NPHS1: variants seen among roughly 807,000 people sequenced by gnomAD.
NPHS1 encodes the protein NPHS1 adhesion molecule, nephrin.
NPHS1 carries 107 observed loss-of-function variants against 139.7 expected under a neutral mutation model. The observed-to-expected ratio is 0.77, with a 90% confidence interval of 0.66 to 0.90. NPHS1 has a LOEUF of 0.90. Among genes scored for constraint, NPHS1 ranks in the 40% least tolerant of loss-of-function variants. The pLI is 0.00. For missense variants in NPHS1, 1,580 were observed against 1,654.2 expected, an observed-to-expected ratio of 0.96 and a Z score of 0.78; for synonymous variants, 707 against 706.6, an observed-to-expected ratio of 1.00 and a Z score of -0.01.
In NPHS1 at chr19:35,844,376, C is replaced by A. The variant is rs1352354716; in HGVS notation, c.2014G>T (p.Ala672Ser). Residue 672 changes from alanine to serine, a missense_variant, in exon 15 of 29, where the codon GCT becomes TCT. Transcript: ENST00000378910. ...GEALLPVSVSANPAPEAFNWT... is the reference protein window; with the variant it reads ...GEALLPVSVSSNPAPEAFNWT... ...TTGAAGGCCTCGGGGGCGGGGTTAG[C>A]GGACACGGACACGGGCAGCAACGCC... 6.2e-7 allele frequency: 1 copy of A among 1,612,874 alleles called. No individual in the cohort carries two copies. The highest frequency in any genetic ancestry group is 1.1e-5 in the South Asian group (1 of 90,902).
Position 35,842,568 on chromosome 19 carries a change from CA to C in NPHS1, c.2335-19del. ...TCTTCTCCCTGGAGGCCCAAGAGTC[CA>C]GAATTGGCCTCCCAGTCTAGCCCCA... On this transcript the variant is annotated intron_variant, in intron 17 of 28. Transcript: ENST00000378910. The C allele has an allele frequency of 6.2e-7, 1 of 1,613,552 alleles. No homozygotes were observed. Among genetic ancestry groups the C allele is most frequent in the Admixed American group, 1.7e-5 (1 of 60,014 alleles).
chr19:35,846,080 G>A lies in NPHS1; in HGVS notation c.1555C>T (p.Pro519Ser), dbSNP rs386833884. 1.8e-5 allele frequency: 28 copies of A among 1,596,152 alleles called. No homozygotes were observed. Among genetic ancestry groups the A allele is most frequent in the Non-Finnish European group, 2.3e-5 (27 of 1,171,804 alleles). Residue 519 changes from proline (P) to serine (S), a missense_variant, in exon 12 of 29, where the codon CCG (proline) becomes TCG (serine). Physicochemically the swap from Pro to Ser is moderately conservative, Grantham distance 74 (BLOSUM62 -1). Transcript: ENST00000378910. ...FSRELVLVTG[P>S]SDNQAKFTCK... ...GTGAACTTGGCCTGGTTGTCCGACG[G>A]CCCTGTGACCAGCACCAGCTCTCGG...
In NPHS1 at chr19:35,826,346, T is replaced by C; in HGVS notation, c.*168A>G. On this transcript the variant is annotated 3_prime_UTR_variant, in exon 29 of 29. Transcript: ENST00000378910. ...AGGATGCACCTTGTTTCTACTCTGG[T>C]ACCAGCTGAACCATCTCTGTCACTC... 2 of 733,712 alleles carry C rather than the reference T, an allele frequency of 2.7e-6. No homozygotes were observed. Among genetic ancestry groups the C allele is most frequent in the Non-Finnish European group, 4.6e-6 (2 of 432,238 alleles). 45.5% of individuals were successfully genotyped at this position (733,712 alleles called of 1,614,324 possible).
Position 35,845,626 on chromosome 19 carries a change from G to A in NPHS1, c.1757+43C>T, listed in dbSNP as rs768441569. The stretch of plus-strand genomic sequence containing the variant: ...CGGGGGCGGGACATGCGTGGAGGGG[G>A]CGAGGCCAGACCAGAGAGGGGAGGG... On this transcript the variant is annotated intron_variant, in intron 13 of 28. Transcript: ENST00000378910. This position sits in a 1 kb window ranked among gnomAD's most constrained non-coding sequence, Gnocchi z 5.5. 1 of 1,609,250 alleles carries A rather than the reference G, an allele frequency of 6.2e-7. No homozygotes were observed. Among genetic ancestry groups the A allele is most frequent in the Admixed American group, 1.7e-5 (1 of 59,404 alleles).
Position 35,847,989 on chromosome 19 carries a change from G to A in NPHS1, c.1440+52C>T, listed in dbSNP as rs1973167929. ...AGATTCTGAAGGAGAGAAGGGGCCT[G>A]GTCCTTCCCCCACATTCCTGGCCAC... On this transcript the variant is annotated intron_variant, in intron 11 of 28. Coordinates refer to ENST00000378910, the MANE Select transcript of NPHS1 (RefSeq NM_004646.4). 16 of 1,595,150 alleles carry A rather than the reference G, an allele frequency of 1.0e-5. No individual in the cohort carries two copies. In the Admixed American group the frequency reaches 1.8e-4, roughly 18 times the overall value.
chr19:35,845,046 C>G lies in NPHS1; in HGVS notation c.1930+322G>C, dbSNP rs1973115883. 6.6e-6 allele frequency among the ~76,000 whole-genome samples: 1 copy of G among 152,138 alleles called. No individual in the cohort carries two copies. The highest frequency in any genetic ancestry group is 2.1e-4 in the South Asian group (1 of 4,832). ...ACTTTGAGAGGCCAACGCAGGAGAA[C>G]TGCTTGAGCCCAGGGGTTCAAGACC... On this transcript the variant is annotated intron_variant, in intron 14 of 28. Coordinates refer to ENST00000378910, the MANE Select transcript of NPHS1 (RefSeq NM_004646.4). The surrounding 1 kb of genome is among the most constrained non-coding windows in gnomAD (Gnocchi z 5.5).
Position 35,846,250 on chromosome 19 carries a change from C to T in NPHS1, c.1441-56G>A. On this transcript the variant is annotated intron_variant, in intron 11 of 28. Transcript: ENST00000378910. Reference sequence around the variant, plus strand: ...GCAGCCCTGCCGCTTCCACCAACCCCCAACCCCCCTACCCTGCCCACTGGG... The same window carrying T: ...GCAGCCCTGCCGCTTCCACCAACCCTCAACCCCCCTACCCTGCCCACTGGG... The T allele has an allele frequency of 1.6e-5, 24 of 1,530,078 alleles. No homozygotes were observed. In the South Asian group the frequency reaches 2.9e-4, roughly 18 times the overall value. 94.8% of individuals were successfully genotyped at this position (1,530,078 alleles called of 1,614,324 possible). A position where few individuals can be genotyped will look rare whatever the true frequency, so the allele number is the denominator to read the frequency against.
At chr19:35,851,110 G>C (rs1467612312) in intron 3 of NPHS1, 21 bp from the exon 4 acceptor site, 3 of 1,613,954 alleles carry the variant, frequency 1.9e-6, no homozygotes, top group African/African-American at 2.7e-5. Flanking sequence ...AAGGGTCTGG[G>C]GTAAGCTTCC....
rs781420585 is a variant in NPHS1 at position 35,848,372 on chromosome 19, A to G, written c.1196T>C (p.Met399Thr). 14 of 1,614,138 alleles carry G rather than the reference A, an allele frequency of 8.7e-6. No individual in the cohort carries two copies. The South Asian group carries it at 1.4e-4, about 16-fold the overall frequency. Residue 399 changes from methionine (M) to threonine (T), a missense_variant, in exon 10 of 29, where the codon ATG becomes ACG. By Grantham distance (81) the Met-to-Thr change is moderately conservative (BLOSUM62 -1). Transcript: ENST00000378910. ...CCGCGCCAGGAATGTCAGGTTGGAC[A>G]TGGAGATGTGACCGCCATGCAGTCC... ...MDGLHGGHIS[M>T]SNLTFLARRE...
intron 16 of NPHS1, 49 bp downstream of exon 16, chr19:35,844,053 TG>T (rs753940097): frequency 1.3e-6 from 2 of 1,593,726 alleles, no homozygotes; most frequent in South Asian, 2.2e-5. Flanking sequence ...GACTCCACAA[TG>T]GGCAAGGTTC....
intron 23 of NPHS1, 80 bp downstream of exon 23, chr19:35,835,625 C>A: frequency 7.9e-7 from 1 of 1,272,446 alleles, no homozygotes; most frequent in South Asian, 1.2e-5. Flanking sequence ...GCTGTGACTA[C>A]AAGCAGAGGA....
In NPHS1 at chr19:35,825,966, G is replaced by A. The variant is rs1972795693; in HGVS notation, c.*548C>T. ...TTTTTATTTTATTTTTATTTTTTGA[G>A]ACAGAATCTCGCTCTGTCGCCCAGG... On this transcript the variant is annotated 3_prime_UTR_variant, in exon 29 of 29. Coordinates refer to ENST00000378910, the MANE Select transcript of NPHS1 (RefSeq NM_004646.4). The A allele has an allele frequency of 6.6e-6, 1 of 152,010 alleles. No homozygotes were observed. The allele number at this position is 152,010 out of a possible 1,614,324, so 9.4% of individuals were successfully genotyped here. A position where few individuals can be genotyped will look rare whatever the true frequency, so the allele number is the denominator to read the frequency against.
At chr19:35,844,893 G>A (rs745869285) in intron 14 of NPHS1, among the ~76,000 whole-genome samples, 3 of 152,002 alleles carry the variant, frequency 2.0e-5, no homozygotes, top group African/African-American at 7.2e-5. Flanking sequence ...GGGAGGCCAA[G>A]GCAGGAGGAT....
intron 5 of NPHS1, 90 bp downstream of exon 5, chr19:35,850,274 G>T: frequency 2.0e-6 from 2 of 1,009,770 alleles, no homozygotes; most frequent in Non-Finnish European, 3.2e-6. Context: ...TTCATACCTA[G>T]CCCAAGCTTC....
In NPHS1 at chr19:35,852,097, C is replaced by CT. The variant is rs10566018; in HGVS notation, c.-261dup. Among the ~76,000 whole-genome samples the CT allele has an allele frequency of 1.6e-3, 200 of 121,536 alleles. 1 individual carries two copies. Among genetic ancestry groups the CT allele is most frequent in the East Asian group, 3.7e-3 (16 of 4,324 alleles). 79.7% of individuals were successfully genotyped at this position (121,536 alleles called of 152,430 possible). A position where few individuals can be genotyped will look rare whatever the true frequency, so the allele number is the denominator to read the frequency against. ...TTTTTTTCTTTTTTCTTTTTTTTTT[C>CT]TTTTTTTTTTTTTTAGAGACGGGGT... On this transcript the variant is annotated 5_prime_UTR_variant, in exon 1 of 29. Transcript: ENST00000378910.
chr19:35,849,596 T>C lies in NPHS1; in HGVS notation c.666A>G (p.Pro222=), dbSNP rs753266932. Residue 222 remains proline, a synonymous_variant, in exon 6 of 29, where the codon CCA becomes CCG. Coordinates refer to ENST00000378910, the MANE Select transcript of NPHS1 (RefSeq NM_004646.4). ...RQLLVCEASS[P]ALEAPIKASF... ...AGGCCTTGATGGGGGCCTCCAGTGC[T>C]GGGCTAGACGCCTCACAGACCAGCA... 5 of 1,614,134 alleles carry C rather than the reference T, an allele frequency of 3.1e-6. No individual in the cohort carries two copies. The highest frequency in any genetic ancestry group is 1.6e-4 in the Middle Eastern group (1 of 6,062).
chr19:35,849,790 G>C lies in NPHS1; in HGVS notation c.609-137C>G, dbSNP rs963555856. The C allele has an allele frequency of 4.2e-6, 3 of 721,366 alleles. No homozygotes were observed. The South Asian group carries it at 4.5e-5, about 11-fold the overall frequency. The allele number at this position is 721,366 out of a possible 1,614,324, so 44.7% of individuals were successfully genotyped here. A position where few individuals can be genotyped will look rare whatever the true frequency, so the allele number is the denominator to read the frequency against. ...ATGCTGATCTCCTCTGGGATCCAGG[G>C]TTCCATGGGAGAGATTTTGGGGGTG... On this transcript the variant is annotated intron_variant, in intron 5 of 28. Transcript: ENST00000378910.
At chr19:35,832,836 G>A (rs1420347920) in intron 23 of NPHS1, among the ~76,000 whole-genome samples, 2 of 130,320 alleles carry the variant, frequency 1.5e-5, no homozygotes, top group Non-Finnish European at 3.2e-5. Context: ...GCAGTGAGCC[G>A]AGATCACGCT....
chr19:35,851,591 GC>G lies in NPHS1; in HGVS notation c.139del (p.Ala47ProfsTer81), dbSNP rs386833882. The stretch of plus-strand genomic sequence containing the variant: ...GACCCCACAACGCAGCTCCACTGAG[GC>G]CCCCTCCACCACCGTCAGGTTTTCA... ...LPENLTVVEG[A>X]SVELRCGVST... On this transcript the variant is annotated frameshift_variant, in exon 2 of 29. Coordinates refer to ENST00000378910, the MANE Select transcript of NPHS1 (RefSeq NM_004646.4). LOFTEE classifies it high-confidence loss of function. 14 of 1,613,852 alleles carry G rather than the reference GC, an allele frequency of 8.7e-6. No homozygotes were observed. Among genetic ancestry groups the G allele is most frequent in the Admixed American group, 6.7e-5 (4 of 59,998 alleles).
Sources: allele counts gnomAD v4.1 joint callset (sites outside exome capture counted in the v4.1 genomes callset), GRCh38; gene constraint gnomAD v4.1.1; non-coding constraint Gnocchi (gnomAD v3.1); transcripts MANE v1.5; gene names NCBI Gene and HGNC (gene_info 2026-07-23, HGNC 2026-07-21).